CENPW: variants seen among roughly 807,000 people sequenced by gnomAD.
The protein encoded by CENPW is cancer-up-regulated gene 2 protein.
In CENPW, 3 loss-of-function variants were observed where a neutral mutation model predicts 11.1. The observed-to-expected ratio is 0.27, with a 90% CI of 0.12 to 0.70. CENPW has a LOEUF of 0.70. Among genes scored for constraint, CENPW ranks in the 30% least tolerant of loss-of-function variants. CENPW has a pLI of 0.77. For missense variants in CENPW, 100 were observed against 105.6 expected (o/e 0.95, Z 0.23); for synonymous variants, 38 against 42.0 (o/e 0.91, Z 0.37).
the CENPW span, among the ~76,000 whole-genome samples, chr6:126,472,283 A>G: frequency 1.3e-5 from 2 of 152,276 alleles, no homozygotes; most frequent in South Asian, 4.1e-4. Flanking sequence ...TCACCACCCT[A>G]AACTTTCTTA....
the CENPW span, among the ~76,000 whole-genome samples, chr6:126,401,473 G>T: frequency 6.6e-6 from 1 of 151,944 alleles, no homozygotes; most frequent in Non-Finnish European, 1.5e-5. Flanking sequence ...TTAGGTAGGG[G>T]CTATGATACT....
chr6:126,476,399 T>C, the CENPW span, among the ~76,000 whole-genome samples: 1 of 152,124 alleles, frequency 6.6e-6, no homozygotes, highest in Admixed American at 6.6e-5. Flanking sequence ...TAAAATTTCA[T>C]TTTGACTGAA....
the CENPW span, among the ~76,000 whole-genome samples, chr6:126,396,878 A>C: frequency 2.6e-5 from 4 of 151,956 alleles, no homozygotes; most frequent in Admixed American, 6.6e-5. Flanking sequence ...TGGGGTCCTC[A>C]TGAGTCTGTC....
chr6:126,439,068 AT>A, the CENPW span, among the ~76,000 whole-genome samples: 1 of 151,550 alleles, frequency 6.6e-6, no homozygotes, highest in African/African-American at 2.4e-5. Context: ...GATGATCTGG[AT>A]TTTTTTTCTC....
At chr6:126,473,288 G>A in the CENPW span, among the ~76,000 whole-genome samples, 1 of 152,102 alleles carries the variant, frequency 6.6e-6, no homozygotes, top group African/African-American at 2.4e-5. Flanking sequence ...CTAGGAATGA[G>A]ATTGCTGGAT....
chr6:126,437,938 G>C, the CENPW span, among the ~76,000 whole-genome samples: 2 of 151,600 alleles, frequency 1.3e-5, no homozygotes, highest in African/African-American at 4.8e-5. Flanking sequence ...TATAGACTCC[G>C]TAAATAAAAT....
chr6:126,348,998 T>C (rs1345360163), downstream of CENPW: 1 of 152,062 alleles, frequency 6.6e-6, no homozygotes, highest in African/African-American at 2.4e-5. Flanking sequence ...TGGACAATTA[T>C]AAACATCAGG....
At chr6:126,424,320 T>G in the CENPW span, among the ~76,000 whole-genome samples, 5 of 152,240 alleles carry the variant, frequency 3.3e-5, no homozygotes, top group East Asian at 9.6e-4. Flanking sequence ...GAATATATGG[T>G]TTTACACCAC....
At chr6:126,457,415 A>G in the CENPW span, among the ~76,000 whole-genome samples, 2 of 151,496 alleles carry the variant, frequency 1.3e-5, no homozygotes, top group African/African-American at 2.4e-5. Flanking sequence ...TTGCAGCAAC[A>G]TGAATGGAAC....
chr6:126,408,317 A>C, the CENPW span, among the ~76,000 whole-genome samples: 13 of 152,302 alleles, frequency 8.5e-5, no homozygotes, highest in Non-Finnish European at 1.3e-4. Flanking sequence ...AGGTCTCATA[A>C]TCAAGGTGGA....
chr6:126,373,322 A>G, the CENPW span, among the ~76,000 whole-genome samples: 1 of 152,206 alleles, frequency 6.6e-6, no homozygotes, highest in East Asian at 1.9e-4. Flanking sequence ...CTGTGTCCTT[A>G]AGAAGTTTAC....
At chr6:126,453,337 A>G in the CENPW span, among the ~76,000 whole-genome samples, 1 of 151,092 alleles carries the variant, frequency 6.6e-6, no homozygotes, top group Non-Finnish European at 1.5e-5. Context: ...TACAAAGGGA[A>G]CCCCCTTCAT....
chr6:126,385,425 TA>T, the CENPW span, among the ~76,000 whole-genome samples: 1 of 152,150 alleles, frequency 6.6e-6, no homozygotes, highest in Non-Finnish European at 1.5e-5. Context: ...TATGCAGTCA[TA>T]AAAAAGAACA....
chr6:126,413,504 GA>G, the CENPW span, among the ~76,000 whole-genome samples: 1 of 151,990 alleles, frequency 6.6e-6, no homozygotes, highest in Admixed American at 6.5e-5. Context: ...CAACAATGAG[GA>G]AGAAACAAAA....
chr6:126,467,812 G>T, the CENPW span, among the ~76,000 whole-genome samples: 2 of 152,030 alleles, frequency 1.3e-5, no homozygotes, highest in Non-Finnish European at 2.9e-5. Context: ...GTTTTATAGT[G>T]GAGAAGTCTG....
At chr6:126,422,421 C>A in the CENPW span, among the ~76,000 whole-genome samples, 1 of 152,066 alleles carries the variant, frequency 6.6e-6, no homozygotes, top group Non-Finnish European at 1.5e-5. Flanking sequence ...CTCCTGGGGC[C>A]TTTCTCCTTG....
chr6:126,476,877 AACCAGATGGGTTAATGTCTAAC>A, the CENPW span, among the ~76,000 whole-genome samples: 4 of 151,806 alleles, frequency 2.6e-5, no homozygotes, highest in Admixed American at 6.6e-5. Context: ...TAATGTCTAA[AACCAGATGGGTTAATGTCTAAC>A]ACCAGATGGG....
At chr6:126,357,825 T>C in the CENPW span, among the ~76,000 whole-genome samples, 112 of 152,226 alleles carry the variant, frequency 7.4e-4, 2 homozygotes, top group East Asian at 0.021. Context: ...GCCAGGCTGG[T>C]CTTGAACTCC....
the CENPW span, among the ~76,000 whole-genome samples, chr6:126,477,480 C>T: frequency 6.6e-6 from 1 of 151,872 alleles, no homozygotes; most frequent in African/African-American, 2.4e-5. Context: ...GTTGAACCAA[C>T]CATTTTTAAG....
Sources: gnomAD v4.1 joint callset for allele counts (sites outside exome capture counted in the v4.1 genomes callset) on GRCh38, gnomAD v4.1.1 for gene constraint, MANE v1.5 for transcripts, NCBI Gene and HGNC (gene_info 2026-07-23, HGNC 2026-07-21) for gene names.